The following FGF1 variants were observed in gnomAD, a reference collection of about 807,000 sequenced individuals.
FGF1 encodes fibroblast growth factor 1.
Under a neutral mutation model 13.4 loss-of-function variants are expected in FGF1, and 9 were observed. That is an observed-to-expected ratio of 0.67 (90% CI 0.40 to 1.17). The LOEUF (loss-of-function observed/expected upper bound fraction) is 1.17. FGF1 is among the 50% of genes most tolerant of loss of function. The probability of loss-of-function intolerance (pLI) is 0.01; values close to 1 mark genes in which losing one functional copy is unlikely to be tolerated. For missense variants in FGF1, 156 were observed against 192.7 expected, an observed-to-expected ratio of 0.81 and a Z score of 1.13; for synonymous variants, 93 against 79.0, an observed-to-expected ratio of 1.18 and a Z score of -0.94.
intron 1 of FGF1, among the ~76,000 whole-genome samples, chr5:142,654,921 G>A (rs1767885717): frequency 6.6e-6 from 1 of 152,248 alleles, no homozygotes; most frequent in African/African-American, 2.4e-5. Flanking sequence ...CACCCAGCAG[G>A]GTTGATGAAG....
intron 1 of FGF1, among the ~76,000 whole-genome samples, chr5:142,654,731 G>A (rs1767846237): frequency 6.6e-6 from 1 of 152,220 alleles, no homozygotes; most frequent in Non-Finnish European, 1.5e-5. Flanking sequence ...TTGTGGCCTC[G>A]TTGGAAGGAA....
intron 2 of FGF1, among the ~76,000 whole-genome samples, chr5:142,613,195 A>T (rs1297365163): frequency 1.3e-5 from 2 of 152,224 alleles, no homozygotes; most frequent in Non-Finnish European, 2.9e-5. Flanking sequence ...GACACCTAAT[A>T]TCAAACATAC....
intron 1 of FGF1, chr5:142,644,000 T>C (rs1322833588): frequency 6.6e-6 from 1 of 152,242 alleles, no homozygotes; most frequent in East Asian, 1.9e-4. Flanking sequence ...CAGAGAACAT[T>C]TTCCCGACTT....
intron 2 of FGF1, among the ~76,000 whole-genome samples, chr5:142,608,540 ATC>A (rs1353640161): frequency 2.8e-3 from 161 of 57,506 alleles, no homozygotes; most frequent in Middle Eastern, 0.021. Flanking sequence ...ATATATACAC[ATC>A]TATATATATA....
intron 1 of FGF1, among the ~76,000 whole-genome samples, chr5:142,629,488 C>T (rs1368259565): frequency 6.6e-6 from 1 of 152,194 alleles, no homozygotes; most frequent in Admixed American, 6.5e-5. Context: ...TAACACATAA[C>T]ATTTCCAGGC....
intron 1 of FGF1, among the ~76,000 whole-genome samples, chr5:142,662,883 G>A (rs983315254): frequency 6.6e-6 from 1 of 152,150 alleles, no homozygotes; most frequent in African/African-American, 2.4e-5. Flanking sequence ...GAGTGCAGTG[G>A]CACAATCTCA....
At chr5:142,641,706 A>G (rs529260145) in intron 1 of FGF1, among the ~76,000 whole-genome samples, 1 of 151,846 alleles carries the variant, frequency 6.6e-6, no homozygotes, top group Non-Finnish European at 1.5e-5. Context: ...TGTTATTTCC[A>G]TTTTTACAGA....
chr5:142,623,886 C>T (rs970418152), intron 1 of FGF1, among the ~76,000 whole-genome samples: 1 of 151,544 alleles, frequency 6.6e-6, no homozygotes, highest in South Asian at 2.1e-4. Flanking sequence ...GTAGCTGAGA[C>T]TACAGGCATA....
chr5:142,667,626 A>T (rs11742776), intron 1 of FGF1, among the ~76,000 whole-genome samples: 1 of 151,172 alleles, frequency 6.6e-6, no homozygotes, highest in African/African-American at 2.4e-5. Context: ...AGCAAGGAAA[A>T]ATCGCCGGCT....
chr5:142,663,657 T>C (rs1211938176), intron 1 of FGF1, among the ~76,000 whole-genome samples: 1 of 152,164 alleles, frequency 6.6e-6, no homozygotes. Flanking sequence ...GGTCTTGGGG[T>C]CAAAAATCAA....
chr5:142,682,530 T>C (rs780061777), intron 1 of FGF1, among the ~76,000 whole-genome samples: 12 of 152,142 alleles, frequency 7.9e-5, no homozygotes, highest in Admixed American at 1.3e-4. Context: ...TTACCCCCAC[T>C]TTACAGATGA....
rs1002724044 is a variant in FGF1, at chr5:142,647,475, T to A, written c.-34-33314A>T. Among the ~76,000 whole-genome samples, 8 of 152,336 alleles carry A rather than the reference T, an allele frequency of 5.3e-5. No individual in the cohort carries two copies. In the East Asian group the frequency reaches 1.5e-3, roughly 29 times the overall value. On this transcript the variant is annotated intron_variant, in intron 1 of 3. Transcript: ENST00000337706. ...TGCGTGCTCCCATGTGCACACACAA[T>A]GCACATGTTCATAAACTTGTAGTTC...
At chr5:142,677,790 C>A (rs953701418) in intron 1 of FGF1, among the ~76,000 whole-genome samples, 1 of 152,170 alleles carries the variant, frequency 6.6e-6, no homozygotes, top group African/African-American at 2.4e-5. Context: ...TAGCAGGGAG[C>A]AAAACAGACA....
intron 1 of FGF1, among the ~76,000 whole-genome samples, chr5:142,655,123 A>T (rs1245184793): frequency 6.6e-6 from 1 of 152,234 alleles, no homozygotes; most frequent in Non-Finnish European, 1.5e-5. Flanking sequence ...AGAAGTTAGG[A>T]AGGAGCCATT....
At chr5:142,691,975 C>T (rs1387169151) in intron 2 of FGF1, among the ~76,000 whole-genome samples, 1 of 152,080 alleles carries the variant, frequency 6.6e-6, no homozygotes. Flanking sequence ...ACAGGAAGGC[C>T]CCAAGTTTTG....
intron 1 of FGF1, among the ~76,000 whole-genome samples, chr5:142,658,631 C>T (rs527410244): frequency 2.1e-4 from 32 of 152,186 alleles, no homozygotes; most frequent in African/African-American, 6.7e-4. Context: ...CACACACTCA[C>T]GAGTTAAAGG....
chr5:142,624,030 C>T (rs1000111556), intron 1 of FGF1, among the ~76,000 whole-genome samples: 2 of 152,216 alleles, frequency 1.3e-5, no homozygotes, highest in Admixed American at 1.3e-4. Flanking sequence ...AGCAATTCTC[C>T]TGCCTCAGCC....
intron 3 of FGF1, among the ~76,000 whole-genome samples, chr5:142,596,653 G>A (rs1159637726): frequency 6.6e-6 from 1 of 152,070 alleles, no homozygotes; most frequent in Non-Finnish European, 1.5e-5. Flanking sequence ...GCTGAGGTAG[G>A]AGGATTGCTC....
At chr5:142,654,749 C>T (rs1175768405) in intron 1 of FGF1, among the ~76,000 whole-genome samples, 2 of 152,244 alleles carry the variant, frequency 1.3e-5, no homozygotes, top group Non-Finnish European at 2.9e-5. Context: ...GAAACACTCC[C>T]TCTTTAGGGT....
Sources: allele counts gnomAD v4.1 joint callset (sites outside exome capture counted in the v4.1 genomes callset), GRCh38; gene constraint gnomAD v4.1.1; transcripts MANE v1.5; gene names NCBI Gene and HGNC (gene_info 2026-07-23, HGNC 2026-07-21).